The following CREB5 variants were observed in gnomAD, a reference collection of about 807,000 sequenced individuals.
The protein encoded by CREB5 is cAMP responsive element binding protein 5.
CREB5 carries 19 observed loss-of-function variants against 57.1 expected under a neutral mutation model. The ratio of observed to expected loss-of-function variants is 0.33; its 90% CI spans 0.23 to 0.49. The LOEUF (loss-of-function observed/expected upper bound fraction) is 0.49, where lower values mean the gene tolerates loss of function less well. Among genes scored for constraint, CREB5 ranks in the 20% least tolerant of loss-of-function variants. The probability of loss-of-function intolerance (pLI) is 0.99; values close to 1 mark genes in which losing one functional copy is unlikely to be tolerated. For synonymous variants in CREB5, 238 were observed against 238.3 expected (o/e 1.00, Z 0.01); for missense variants, 579 against 671.6 (o/e 0.86, Z 1.52).
At chr7:28,381,007 AG>A (rs1418140262) in intron 1 of CREB5, among the ~76,000 whole-genome samples, 1 of 152,150 alleles carries the variant, frequency 6.6e-6, no homozygotes, top group East Asian at 1.9e-4. Context: ...GTATAAAACT[AG>A]GGGGCAGGTG....
intron 4 of CREB5, among the ~76,000 whole-genome samples, chr7:28,548,210 G>C (rs189613848): frequency 1.3e-5 from 2 of 152,106 alleles, no homozygotes. Flanking sequence ...TTGGTGGGAC[G>C]TTCTGTGCCT....
At chr7:28,803,818 G>A (rs1184038446) in intron 7 of CREB5, among the ~76,000 whole-genome samples, 1 of 151,260 alleles carries the variant, frequency 6.6e-6, no homozygotes, top group Non-Finnish European at 1.5e-5. Context: ...TCTTTGTTCA[G>A]TGCTATCACC....
intron 5 of CREB5, among the ~76,000 whole-genome samples, chr7:28,580,855 G>T (rs184065569): frequency 6.6e-6 from 1 of 152,074 alleles, no homozygotes; most frequent in Non-Finnish European, 1.5e-5. Context: ...CCTTCTCTTG[G>T]TTCATTTCAT....
intron 2 of CREB5, among the ~76,000 whole-genome samples, chr7:28,489,597 G>A (rs1554332397): frequency 2.0e-5 from 3 of 151,994 alleles, no homozygotes; most frequent in East Asian, 1.9e-4. Flanking sequence ...CACCGCGCCC[G>A]GCCGGACCCT....
At chr7:28,339,995 G>A (rs1286351534) in intron 1 of CREB5, among the ~76,000 whole-genome samples, 1 of 152,126 alleles carries the variant, frequency 6.6e-6, no homozygotes, top group Non-Finnish European at 1.5e-5. Context: ...GTTAACTTGT[G>A]GTGAATAATG....
chr7:28,652,164 C>T (rs73081881), intron 5 of CREB5, among the ~76,000 whole-genome samples: 13,344 of 152,042 alleles, frequency 0.088, 744 homozygotes, highest in South Asian at 0.16. Flanking sequence ...AGCCATATTT[C>T]AATTTTTATA....
intron 7 of CREB5, among the ~76,000 whole-genome samples, chr7:28,731,378 G>A (rs1803617867): frequency 6.6e-6 from 1 of 152,192 alleles, no homozygotes; most frequent in Non-Finnish European, 1.5e-5. Context: ...TGTATTCCAT[G>A]ACCTGATCAG....
At chr7:28,560,883 C>T (rs13231210) in intron 4 of CREB5, among the ~76,000 whole-genome samples, 1,598 of 16,954 alleles carry the variant, frequency 0.094, 184 homozygotes, top group African/African-American at 0.11. Context: ...CGCGTGCGTG[C>T]GTGCGTGTGT....
chr7:28,360,138 C>A (rs952935143), intron 1 of CREB5, among the ~76,000 whole-genome samples: 1 of 152,144 alleles, frequency 6.6e-6, no homozygotes, highest in Non-Finnish European at 1.5e-5. Flanking sequence ...GAAATGGGTA[C>A]AACCACTGTG....
chr7:28,560,837 T>TGCGTGCGCGC (rs1562797074), intron 4 of CREB5, among the ~76,000 whole-genome samples: 1 of 92,238 alleles, frequency 1.1e-5, no homozygotes, highest in Non-Finnish European at 2.3e-5. Flanking sequence ...CGCGCGCGTG[T>TGCGTGCGCGC]GTGTGTGCGC....
chr7:28,756,882 G>T (rs1411678461), intron 7 of CREB5, among the ~76,000 whole-genome samples: 3 of 152,168 alleles, frequency 2.0e-5, no homozygotes, highest in Non-Finnish European at 2.9e-5. Context: ...GGCTATTTTT[G>T]CAGGGTGTTT....
chr7:28,354,861 A>G (rs1422579393), intron 1 of CREB5, among the ~76,000 whole-genome samples: 1 of 152,224 alleles, frequency 6.6e-6, no homozygotes, highest in African/African-American at 2.4e-5. Flanking sequence ...AGAAGCTGAC[A>G]TCTGGACCCA....
At chr7:28,717,982 G>C (rs1802796525) in intron 5 of CREB5, among the ~76,000 whole-genome samples, 1 of 152,076 alleles carries the variant, frequency 6.6e-6, no homozygotes, top group Admixed American at 6.6e-5. Flanking sequence ...TCAATTTAAG[G>C]CTCTTAAAAT....
intron 5 of CREB5, among the ~76,000 whole-genome samples, chr7:28,716,443 CG>C (rs1430243237): frequency 6.6e-6 from 1 of 152,084 alleles, no homozygotes; most frequent in Non-Finnish European, 1.5e-5. Context: ...GGAATACAAA[CG>C]TGGTAAAAGG....
chr7:28,487,807 T>A (rs554373749), intron 1 of CREB5, among the ~76,000 whole-genome samples: 2 of 152,222 alleles, frequency 1.3e-5, no homozygotes, highest in Non-Finnish European at 2.9e-5. Flanking sequence ...TCAGCAGGAC[T>A]GGACAAGGGT....
intron 1 of CREB5, among the ~76,000 whole-genome samples, chr7:28,312,859 G>A (rs1785307116): frequency 6.6e-6 from 1 of 152,198 alleles, no homozygotes; most frequent in Admixed American, 6.5e-5. Context: ...CAGTGGTCAA[G>A]CCTGAGTGTT....
At chr7:28,463,664 A>G (rs1790442064) in intron 1 of CREB5, among the ~76,000 whole-genome samples, 2 of 152,076 alleles carry the variant, frequency 1.3e-5, no homozygotes, top group Admixed American at 1.3e-4. Flanking sequence ...ACAATTTTAT[A>G]TTTTGATGCT....
At chr7:28,534,359 C>T (rs1419487288) in intron 4 of CREB5, among the ~76,000 whole-genome samples, 1 of 152,198 alleles carries the variant, frequency 6.6e-6, no homozygotes, top group Non-Finnish European at 1.5e-5. Context: ...CACCCTGCGT[C>T]CTCCCCCGCG....
intron 7 of CREB5, among the ~76,000 whole-genome samples, chr7:28,777,086 T>C (rs770814573): frequency 1.3e-5 from 2 of 152,234 alleles, no homozygotes; most frequent in Non-Finnish European, 2.9e-5. Flanking sequence ...CTGGGTCATA[T>C]AGTAACTCTG....
Sources: allele counts gnomAD v4.1 joint callset (sites outside exome capture counted in the v4.1 genomes callset), GRCh38; gene constraint gnomAD v4.1.1; transcripts MANE v1.5; gene names NCBI Gene and HGNC (gene_info 2026-07-23, HGNC 2026-07-21).